Variants in NCOA2 observed in about 807,000 individuals in gnomAD.
NCOA2 encodes the protein class E basic helix-loop-helix protein 75.
NCOA2 carries 21 observed loss-of-function variants against 145.1 expected under a neutral mutation model. The observed-to-expected ratio is 0.14, with a 90% confidence interval of 0.10 to 0.21. The LOEUF (loss-of-function observed/expected upper bound fraction) is 0.21, where lower values mean the gene tolerates loss of function less well. Ranked by LOEUF, NCOA2 falls within the 10% of genes least tolerant of loss-of-function variation. The probability of loss-of-function intolerance (pLI) is 1.00; values close to 1 mark genes in which losing one functional copy is unlikely to be tolerated. For synonymous variants in NCOA2, 619 were observed against 637.5 expected, an observed-to-expected ratio of 0.97 and a Z score of 0.44; for missense variants, 1,472 against 1,837.6, an observed-to-expected ratio of 0.80 and a Z score of 3.64.
At chr8:70,456,276 A>G in the NCOA2 span, among the ~76,000 whole-genome samples, 1 of 152,204 alleles carries the variant, frequency 6.6e-6, no homozygotes, top group African/African-American at 2.4e-5. Flanking sequence ...AAGAAAAAGA[A>G]TAAGGGCTAA....
At chr8:70,130,220 C>T (rs541979539) in intron 16 of NCOA2, among the ~76,000 whole-genome samples, 6 of 152,146 alleles carry the variant, frequency 3.9e-5, no homozygotes, top group African/African-American at 1.2e-4. Flanking sequence ...AACATGAATA[C>T]GAATAATTTG....
intron 1 of NCOA2, among the ~76,000 whole-genome samples, chr8:70,397,395 G>C (rs1457634010): frequency 6.6e-6 from 1 of 150,944 alleles, no homozygotes; most frequent in African/African-American, 2.4e-5. Context: ...AGAGGTTGCA[G>C]TGAGCTGAGA....
the NCOA2 span, among the ~76,000 whole-genome samples, chr8:70,439,447 C>T: frequency 6.6e-6 from 1 of 152,120 alleles, no homozygotes; most frequent in Non-Finnish European, 1.5e-5. Context: ...TCTGATCAGT[C>T]AGACAAGATG....
chr8:70,449,362 T>C, the NCOA2 span, among the ~76,000 whole-genome samples: 2 of 152,094 alleles, frequency 1.3e-5, no homozygotes, highest in Non-Finnish European at 2.9e-5. Flanking sequence ...GTCCCAAGAG[T>C]AAACAGATGG....
At chr8:70,353,800 T>C (rs1034342525) in intron 1 of NCOA2, among the ~76,000 whole-genome samples, 15 of 152,180 alleles carry the variant, frequency 9.9e-5, no homozygotes, top group African/African-American at 3.6e-4. Context: ...TTATGTAAGC[T>C]TGCGCAGTGT....
chr8:70,270,210 A>G (rs371245457), intron 2 of NCOA2, among the ~76,000 whole-genome samples: 2 of 152,030 alleles, frequency 1.3e-5, no homozygotes, highest in East Asian at 3.9e-4. Context: ...AAAAAAGAAG[A>G]AAAAAGAAAA....
chr8:70,276,687 A>C (rs1825491788), intron 2 of NCOA2, among the ~76,000 whole-genome samples: 1 of 152,130 alleles, frequency 6.6e-6, no homozygotes, highest in Non-Finnish European at 1.5e-5. Context: ...ATGACTGTTA[A>C]GTTTCCTGAG....
chr8:70,216,326 TA>T (rs1819612971), intron 3 of NCOA2, among the ~76,000 whole-genome samples: 2 of 152,260 alleles, frequency 1.3e-5, no homozygotes, highest in Admixed American at 1.3e-4. Flanking sequence ...ACAACAAAAA[TA>T]AAACCCATTA....
intron 22 of NCOA2, 124 bp from the exon 23 acceptor site, chr8:70,113,767 A>G: frequency 1.1e-6 from 1 of 905,140 alleles, no homozygotes; most frequent in South Asian, 1.4e-5. Flanking sequence ...CAGAGGCCGC[A>G]TCTGGATGAG....
At chr8:70,211,963 C>T (rs913203496) in intron 4 of NCOA2, among the ~76,000 whole-genome samples, 11 of 151,670 alleles carry the variant, frequency 7.3e-5, no homozygotes, top group African/African-American at 2.7e-4. Flanking sequence ...TAAGGTATGG[C>T]GCAGTCCCAG....
Position 70,166,695 on chromosome 8 carries a change from G to A in NCOA2, c.601C>T (p.Arg201Trp), listed in dbSNP as rs1383646490. The change falls in exon 7 of 23, where the codon CGG becomes TGG. Residue 201 changes from arginine to tryptophan, a missense_variant. By Grantham distance (101) the Arg-to-Trp change is moderately radical. Transcript: ENST00000452400. Reference sequence around the variant, plus strand: ...TCAGGTAAAGGTTTTACCAGCATCCGACAATTGAAGGTATGGCTGTTCCGC... The same window carrying A: ...TCAGGTAAAGGTTTTACCAGCATCCAACAATTGAAGGTATGGCTGTTCCGC... Reference protein sequence around the residue: ...PRRNSHTFNCRMLVKPLPDSE... With the variant: ...PRRNSHTFNCWMLVKPLPDSE... 1 of 1,613,926 alleles carries A rather than the reference G, an allele frequency of 6.2e-7. No individual in the cohort carries two copies. The highest frequency in any genetic ancestry group is 8.5e-7 in the Non-Finnish European group (1 of 1,179,862).
At chr8:70,443,613 T>TG in the NCOA2 span, among the ~76,000 whole-genome samples, 4 of 152,218 alleles carry the variant, frequency 2.6e-5, no homozygotes, top group South Asian at 8.3e-4. Context: ...CAGGCTGGAG[T>TG]GCACTGGCAT....
chr8:70,375,118 T>C (rs916485068), intron 1 of NCOA2, among the ~76,000 whole-genome samples: 3 of 152,174 alleles, frequency 2.0e-5, no homozygotes, highest in East Asian at 3.8e-4. Context: ...CCAAGAAGAA[T>C]GAAGACTCAC....
chr8:70,366,669 A>G (rs919396733), intron 1 of NCOA2, among the ~76,000 whole-genome samples: 4 of 151,832 alleles, frequency 2.6e-5, no homozygotes, highest in African/African-American at 9.7e-5. Context: ...CATTGCCGGC[A>G]TAAGTTATTT....
intron 13 of NCOA2, among the ~76,000 whole-genome samples, chr8:70,142,946 T>G (rs1384037645): frequency 1.3e-5 from 2 of 150,530 alleles, no homozygotes; most frequent in Non-Finnish European, 3.0e-5. Flanking sequence ...CTGTGTTTTG[T>G]TTTTTTTGTT....
intron 1 of NCOA2, among the ~76,000 whole-genome samples, chr8:70,365,434 A>C (rs147933028): frequency 6.6e-6 from 1 of 152,360 alleles, no homozygotes; most frequent in East Asian, 1.9e-4. Flanking sequence ...TCTAGTTAAA[A>C]ACAAGGAATC....
At chr8:70,138,640 T>C (rs1215674261) in intron 14 of NCOA2, among the ~76,000 whole-genome samples, 1 of 152,218 alleles carries the variant, frequency 6.6e-6, no homozygotes, top group Non-Finnish European at 1.5e-5. Flanking sequence ...GAAATTGAAA[T>C]TGAGAAACAG....
the NCOA2 span, among the ~76,000 whole-genome samples, chr8:70,445,201 A>G: frequency 6.6e-6 from 1 of 152,206 alleles, no homozygotes; most frequent in African/African-American, 2.4e-5. Flanking sequence ...AGGGGGGAAA[A>G]AAGCTCAAAA....
chr8:70,392,669 T>G (rs1256917150), intron 1 of NCOA2, among the ~76,000 whole-genome samples: 1 of 152,176 alleles, frequency 6.6e-6, no homozygotes, highest in Non-Finnish European at 1.5e-5. Context: ...TTGTATTTGG[T>G]TTTGTTTTAT....
Sources: gnomAD v4.1 joint callset for allele counts (sites outside exome capture counted in the v4.1 genomes callset) on GRCh38, gnomAD v4.1.1 for gene constraint, MANE v1.5 for transcripts, NCBI Gene and HGNC (gene_info 2026-07-23, HGNC 2026-07-21) for gene names.